ZCCHC14: variants seen among roughly 807,000 people sequenced by gnomAD.
The protein encoded by ZCCHC14 is zinc finger CCHC-type containing 14.
A neutral mutation model predicts 85.0 loss-of-function variants in ZCCHC14; 16 were observed. The ratio of observed to expected loss-of-function variants is 0.19; its 90% CI spans 0.13 to 0.29. ZCCHC14 has a LOEUF of 0.29. ZCCHC14 is among the 10% of genes least tolerant of loss of function. The pLI is 1.00. For synonymous variants in ZCCHC14, 775 were observed against 630.7 expected (o/e 1.23, Z -3.43); for missense variants, 1,303 against 1,443.5 (o/e 0.90, Z 1.58).
chr16:87,442,065 TGGAAGTACAGA>T (rs1360023109), intron 2 of ZCCHC14, among the ~76,000 whole-genome samples: 1 of 152,218 alleles, frequency 6.6e-6, no homozygotes, highest in Non-Finnish European at 1.5e-5. Flanking sequence ...CCCTGGGAAC[TGGAAGTACAGA>T]AGGATAGCAG....
At chr16:87,445,090 CAG>C (rs1233256964) in intron 2 of ZCCHC14, among the ~76,000 whole-genome samples, 2 of 146,014 alleles carry the variant, frequency 1.4e-5, no homozygotes, top group African/African-American at 2.6e-5. Context: ...TTTTTTGAGA[CAG>C]AGTCTTGCTG....
At chr16:87,421,292 G>A (rs754941399) in intron 4 of ZCCHC14, among the ~76,000 whole-genome samples, 1 of 152,212 alleles carries the variant, frequency 6.6e-6, no homozygotes, top group African/African-American at 2.4e-5. Context: ...AGACGTTGCA[G>A]GAGGGACAAA....
In ZCCHC14 at chr16:87,424,272, C is replaced by A. The variant is rs143716713; in HGVS notation, c.769-391G>T. Among the ~76,000 whole-genome samples, 606 of 152,206 alleles carry A rather than the reference C, an allele frequency of 4.0e-3. 4 individuals are homozygous for A. Among genetic ancestry groups the A allele is most frequent in the African/African-American group, 0.014 (585 of 41,522 alleles). On this transcript the variant is annotated intron_variant, in intron 3 of 12. Transcript: ENST00000671377. Reference sequence around the variant, plus strand: ...AGAGCGACACATTCCCAGAGAGCAGCCCTTCGACCACCGGTAAGGGCCCGT... The same window carrying A: ...AGAGCGACACATTCCCAGAGAGCAGACCTTCGACCACCGGTAAGGGCCCGT...
intron 3 of ZCCHC14, among the ~76,000 whole-genome samples, chr16:87,427,425 T>C (rs1157696309): frequency 6.6e-6 from 1 of 152,192 alleles, no homozygotes; most frequent in Non-Finnish European, 1.5e-5. Context: ...TTTTTTCTTT[T>C]TGAGACAGAG....
At chr16:87,419,129 T>C (rs894860234) in intron 6 of ZCCHC14, among the ~76,000 whole-genome samples, 1 of 150,650 alleles carries the variant, frequency 6.6e-6, no homozygotes, top group Non-Finnish European at 1.5e-5. Context: ...GCTAATTTTA[T>C]ATTTTTATTT....
Position 87,410,311 on chromosome 16 carries a change from G to A in ZCCHC14, c.3230C>T (p.Pro1077Leu). The change falls in exon 13 of 13, where the codon CCT becomes CTT. Residue 1077 changes from proline (P) to leucine (L), a missense_variant. Pro to Leu is a moderately conservative substitution (Grantham distance 98). Transcript: ENST00000671377. ...RPGTFRLKYA[P>L]PAESLDSTD ...TGTGGAGTCCAGACTTTCTGCTGGAGGGGCGTATTTCAACCTAAAAGTACC... is the reference window on the plus strand; with the variant it reads ...TGTGGAGTCCAGACTTTCTGCTGGAAGGGCGTATTTCAACCTAAAAGTACC... The A allele has an allele frequency of 1.3e-6, 1 of 776,786 alleles. No homozygotes were observed. The highest frequency in any genetic ancestry group is 1.4e-5 in the South Asian group (1 of 73,732). The allele number at this position is 776,786 out of a possible 1,614,324, so 48.1% of individuals were successfully genotyped here.
intron 1 of ZCCHC14, among the ~76,000 whole-genome samples, chr16:87,480,178 C>T (rs1264256610): frequency 1.3e-5 from 2 of 151,974 alleles, no homozygotes; most frequent in South Asian, 2.1e-4. Flanking sequence ...CTGAGGCAGG[C>T]GGATCACAAG....
chr16:87,413,096 G>A lies in ZCCHC14; in HGVS notation c.1703C>T (p.Ala568Val). 1.2e-6 allele frequency: 2 copies of A among 1,614,076 alleles called. No individual in the cohort carries two copies. Among genetic ancestry groups the A allele is most frequent in the South Asian group, 2.2e-5 (2 of 91,086 alleles). ...SSSSSPMGVQ[A>V]REESSDSAEE... Reference sequence around the variant, plus strand: ...AGCGCTGTCGGAGCTCTCTTCCCGGGCCTGTACCCCCATGGGGCTGGAGGA... The same window carrying A: ...AGCGCTGTCGGAGCTCTCTTCCCGGACCTGTACCCCCATGGGGCTGGAGGA... The change falls in exon 11 of 13, where the codon GCC becomes GTC. Residue 568 changes from alanine (A) to valine (V), a missense_variant. Physicochemically the swap from Ala to Val is moderately conservative, Grantham distance 64 (BLOSUM62 0). Transcript: ENST00000671377.
At chr16:87,468,417 G>C (rs1178151194) in intron 1 of ZCCHC14, among the ~76,000 whole-genome samples, 1 of 150,902 alleles carries the variant, frequency 6.6e-6, no homozygotes, top group East Asian at 1.9e-4. Context: ...AGCTGTTTTA[G>C]AATATGTTCT....
rs981652878 is a variant in ZCCHC14 at position 87,492,827 on chromosome 16, C to T, written c.-589G>A. Among the ~76,000 whole-genome samples the T allele has an allele frequency of 6.8e-6, 1 of 147,508 alleles. No homozygotes were observed. Among genetic ancestry groups the T allele is most frequent in the African/African-American group, 2.4e-5 (1 of 40,818 alleles). On this transcript the variant is annotated 5_prime_UTR_variant, in exon 1 of 13. Transcript: ENST00000671377. The surrounding 1 kb of genome is among the most constrained non-coding windows in gnomAD (Gnocchi z 6.7). ...AACGGACGCTGGAGGGGGAGGGACG[C>T]GCGGCGGGAGGCGCGGAGGGATCCG...
At position 87,487,433 on chromosome 16, in the gene ZCCHC14, C is replaced by T. The variant is rs185426000; in HGVS notation, c.570+4236G>A. ...CCCCTGCCCACCAGGCCCTGCTCCC[C>T]CATACCTGTCGCTGACCAAATGCAC... On this transcript the variant is annotated intron_variant, in intron 1 of 12. Transcript: ENST00000671377. 4.6e-3 allele frequency among the ~76,000 whole-genome samples: 706 copies of T among 152,336 alleles called. 6 individuals carry two copies. Among genetic ancestry groups the T allele is most frequent in the African/African-American group, 0.016 (656 of 41,588 alleles).
chr16:87,468,631 C>G (rs988810103), intron 1 of ZCCHC14, among the ~76,000 whole-genome samples: 15 of 152,218 alleles, frequency 9.9e-5, no homozygotes, highest in African/African-American at 3.6e-4. Flanking sequence ...TTTTTCCTAA[C>G]TTAACTTATA....
At chr16:87,448,941 A>G (rs993115206) in intron 2 of ZCCHC14, among the ~76,000 whole-genome samples, 1 of 152,162 alleles carries the variant, frequency 6.6e-6, no homozygotes. Flanking sequence ...CATAAGACTC[A>G]CTGCGGACAT....
intron 2 of ZCCHC14, among the ~76,000 whole-genome samples, chr16:87,442,116 T>C (rs1000622750): frequency 4.6e-5 from 7 of 152,192 alleles, no homozygotes; most frequent in African/African-American, 9.7e-5. Context: ...AGCAACCCCG[T>C]GGCGTTGTGG....
intron 4 of ZCCHC14, among the ~76,000 whole-genome samples, chr16:87,422,994 C>A (rs71390894): frequency 0.059 from 8,966 of 152,240 alleles, 404 homozygotes; most frequent in East Asian, 0.22. Flanking sequence ...AATCAGACAT[C>A]GTCCTCACTC....
intron 3 of ZCCHC14, among the ~76,000 whole-genome samples, chr16:87,426,634 A>T (rs886569604): frequency 2.0e-5 from 3 of 152,160 alleles, no homozygotes; most frequent in African/African-American, 7.2e-5. Flanking sequence ...TGCACAAGAA[A>T]AGGCTCAGCC....
chr16:87,411,864 C>A lies in ZCCHC14; in HGVS notation c.2857G>T (p.Gly953Cys). ...YANYFQHPFS[G>C]PSVFTFPFLP... ...AAGGGGAAGGTGAACACGGACGGAC[C>A]GGAGAACGGGTGCTGGAAGTAGTTG... Residue 953 changes from glycine (G) to cysteine (C), a missense_variant, in exon 12 of 13, where the codon GGT becomes TGT. Physicochemically the swap from Gly to Cys is radical, Grantham distance 159. This residue lies in a region of ZCCHC14 where 797 missense variants were observed against 730.8 expected (regional missense o/e 1.09). Coordinates refer to ENST00000671377, the MANE Select transcript of ZCCHC14 (RefSeq NM_015144.3). 1 of 1,605,660 alleles carries A rather than the reference C, an allele frequency of 6.2e-7. No individual in the cohort carries two copies. The highest frequency in any genetic ancestry group is 8.5e-7 in the Non-Finnish European group (1 of 1,176,790).
At chr16:87,418,788 A>G in intron 7 of ZCCHC14, 59 bp downstream of exon 7, 1 of 1,526,260 alleles carries the variant, frequency 6.6e-7, no homozygotes, top group East Asian at 2.3e-5. Flanking sequence ...CACAGAACTC[A>G]AAGTAAACAT....
At chr16:87,417,779 T>C (rs904139655) in intron 7 of ZCCHC14, 37 bp from the exon 8 acceptor site, 16 of 1,527,708 alleles carry the variant, frequency 1.0e-5, no homozygotes, top group African/African-American at 4.1e-5. Flanking sequence ...AGAGAGACTG[T>C]GGCTTCCACA....
Sources: allele counts gnomAD v4.1 joint callset (sites outside exome capture counted in the v4.1 genomes callset), GRCh38; gene constraint gnomAD v4.1.1; regional missense constraint gnomAD v4.1.1; non-coding constraint Gnocchi (gnomAD v3.1); transcripts MANE v1.5; gene names NCBI Gene and HGNC (gene_info 2026-07-23, HGNC 2026-07-21).